The following VPS8 variants were observed in gnomAD, a reference collection of about 807,000 sequenced individuals.
VPS8 encodes the protein VPS8 subunit of CORVET complex, also known as vacuolar protein sorting-associated protein 8 homolog.
Under a neutral mutation model 216.4 loss-of-function variants are expected in VPS8, and 129 were observed. The ratio of observed to expected loss-of-function variants is 0.60; its 90% CI spans 0.52 to 0.69. VPS8 has a LOEUF of 0.69. VPS8 is among the 30% of genes least tolerant of loss of function. The pLI, the probability that VPS8 is intolerant of heterozygous loss-of-function variation, is 0.00. For missense variants in VPS8, 1,531 were observed against 1,683.5 expected (o/e 0.91, Z 1.59); for synonymous variants, 571 against 565.4 (o/e 1.01, Z -0.14).
rs373864308 is a variant in VPS8, at chr3:184,877,642, A to G, written c.1734+6837A>G. On this transcript the variant is annotated intron_variant, in intron 21 of 47. Coordinates refer to ENST00000625842, the MANE Select transcript of VPS8 (RefSeq NM_001009921.3). The stretch of plus-strand genomic sequence containing the variant: ...AAAGGGGTTGAGTAACTTGCCCAAT[A>G]TCATTGAACCGGTGAATAGAACCAC... 2.0e-5 allele frequency among the ~76,000 whole-genome samples: 3 copies of G among 152,292 alleles called. No individual in the cohort carries two copies. The East Asian group carries it at 5.8e-4, about 29-fold the overall frequency.
intron 46 of VPS8, among the ~76,000 whole-genome samples, chr3:185,036,140 A>G (rs930803584): frequency 1.3e-5 from 2 of 152,224 alleles, no homozygotes; most frequent in Non-Finnish European, 2.9e-5. Flanking sequence ...AAAACAGTCC[A>G]TGCTCATGGA....
chr3:184,985,097 TAATTATGCTACCTTATATATGTACAG>T (rs1750867923), intron 42 of VPS8, among the ~76,000 whole-genome samples: 1 of 152,224 alleles, frequency 6.6e-6, no homozygotes, highest in Non-Finnish European at 1.5e-5. Flanking sequence ...GTGATTACTG[TAATTATGCTACCTTATATATGTACAG>T]AGATTTTTAT....
intron 1 of VPS8, among the ~76,000 whole-genome samples, chr3:184,819,048 A>G (rs1716970306): frequency 1.3e-5 from 2 of 152,194 alleles, no homozygotes; most frequent in Non-Finnish European, 1.5e-5. Flanking sequence ...TATAGGTCAC[A>G]CATTCTAGAG....
At chr3:184,821,376 C>T (rs1252076384) in intron 1 of VPS8, among the ~76,000 whole-genome samples, 1 of 151,532 alleles carries the variant, frequency 6.6e-6, no homozygotes, top group Non-Finnish European at 1.5e-5. Context: ...CGGAGTCTTG[C>T]TCTGTTGCCC....
intron 11 of VPS8, among the ~76,000 whole-genome samples, chr3:184,853,175 G>T (rs1353421997): frequency 6.6e-6 from 1 of 152,150 alleles, no homozygotes; most frequent in East Asian, 1.9e-4. Flanking sequence ...TCTCCTATGT[G>T]TAGGTATTTA....
chr3:184,996,625 C>G, intron 44 of VPS8, 124 bp downstream of exon 44: 1 of 1,094,918 alleles, frequency 9.1e-7, no homozygotes, highest in Non-Finnish European at 1.3e-6. Context: ...AGTTCCTGCC[C>G]TCACAGACCT....
In VPS8 at chr3:184,892,405, C is replaced by T. The variant is rs545984279; in HGVS notation, c.1782-2298C>T. Among the ~76,000 whole-genome samples, 14 of 152,138 alleles carry T rather than the reference C, an allele frequency of 9.2e-5. No individual in the cohort carries two copies. The South Asian group carries it at 2.3e-3, about 25-fold the overall frequency. On this transcript the variant is annotated intron_variant, in intron 22 of 47. Coordinates refer to ENST00000625842, the MANE Select transcript of VPS8 (RefSeq NM_001009921.3). ...CTAATTTTTGTATTTTTAGTAGAGACGGGGTTTCCCCAGGTTGGCCAGGCT... is the reference window on the plus strand; with the variant it reads ...CTAATTTTTGTATTTTTAGTAGAGATGGGGTTTCCCCAGGTTGGCCAGGCT...
At chr3:185,022,508 C>T (rs1437174380) in intron 45 of VPS8, among the ~76,000 whole-genome samples, 1 of 152,080 alleles carries the variant, frequency 6.6e-6, no homozygotes, top group African/African-American at 2.4e-5. Flanking sequence ...GTTTTGGGTC[C>T]ATTTTTGTAA....
chr3:184,998,411 T>A (rs1032913268), intron 44 of VPS8, among the ~76,000 whole-genome samples: 9 of 149,998 alleles, frequency 6.0e-5, no homozygotes, highest in Non-Finnish European at 1.3e-4. Flanking sequence ...ATTTTAAAGC[T>A]ATGGAACCTG....
At chr3:184,832,401 T>C (rs1720185173) in intron 3 of VPS8, among the ~76,000 whole-genome samples, 1 of 152,236 alleles carries the variant, frequency 6.6e-6, no homozygotes, top group African/African-American at 2.4e-5. Flanking sequence ...CTGTAAAAGC[T>C]TGATTTTTAA....
intron 44 of VPS8, among the ~76,000 whole-genome samples, chr3:184,997,481 G>A (rs1752766519): frequency 6.6e-6 from 1 of 152,216 alleles, no homozygotes; most frequent in African/African-American, 2.4e-5. Context: ...AGACTTGATG[G>A]TTGGAAGGGG....
intron 3 of VPS8, among the ~76,000 whole-genome samples, chr3:184,831,976 T>G (rs949337983): frequency 6.6e-6 from 1 of 152,192 alleles, no homozygotes; most frequent in African/African-American, 2.4e-5. Context: ...CTGCTATATA[T>G]AGTATACTAA....
intron 18 of VPS8, among the ~76,000 whole-genome samples, chr3:184,868,544 TAGCCAG>T (rs1727775483): frequency 6.6e-6 from 1 of 152,192 alleles, no homozygotes; most frequent in South Asian, 2.1e-4. Context: ...CACTTATCGT[TAGCCAG>T]AGCTCAGTCA....
At chr3:184,983,683 C>A (rs996518218) in intron 42 of VPS8, among the ~76,000 whole-genome samples, 2 of 152,056 alleles carry the variant, frequency 1.3e-5, no homozygotes, top group African/African-American at 4.8e-5. Context: ...TAGAAAAAAA[C>A]CTGTGAGCAT....
At chr3:185,008,776 G>T (rs1360852790) in intron 45 of VPS8, among the ~76,000 whole-genome samples, 2 of 152,160 alleles carry the variant, frequency 1.3e-5, no homozygotes, top group African/African-American at 2.4e-5. Flanking sequence ...GTGCCTAAAA[G>T]GGAAAATGGC....
intron 46 of VPS8, among the ~76,000 whole-genome samples, chr3:185,027,395 A>G (rs1003913402): frequency 4.6e-5 from 7 of 151,628 alleles, no homozygotes; most frequent in African/African-American, 1.5e-4. Flanking sequence ...GGTGCCCGCC[A>G]CCACGCCCGG....
At chr3:185,043,955 C>T (rs907090593) in intron 46 of VPS8, among the ~76,000 whole-genome samples, 2 of 152,038 alleles carry the variant, frequency 1.3e-5, no homozygotes, top group East Asian at 1.9e-4. Context: ...TTTGGAAGGC[C>T]GAGGCAGGCG....
intron 14 of VPS8, among the ~76,000 whole-genome samples, chr3:184,858,895 A>G (rs1253193224): frequency 1.3e-5 from 2 of 152,162 alleles, no homozygotes; most frequent in Non-Finnish European, 2.9e-5. Context: ...TCACACTGAT[A>G]AAACCATGTT....
At chr3:184,851,465 A>ATG (rs10657242) in intron 10 of VPS8, among the ~76,000 whole-genome samples, 13,769 of 150,960 alleles carry the variant, frequency 0.091, 1,345 homozygotes, top group African/African-American at 0.25. Context: ...ATGGATATTT[A>ATG]TGTGTGTGTG....
Sources: gnomAD v4.1 joint callset for allele counts (sites outside exome capture counted in the v4.1 genomes callset) on GRCh38, gnomAD v4.1.1 for gene constraint, MANE v1.5 for transcripts, NCBI Gene and HGNC (gene_info 2026-07-23, HGNC 2026-07-21) for gene names.